The following APP variants were observed in gnomAD, a reference collection of about 807,000 sequenced individuals.
APP encodes amyloid-beta precursor protein.
A neutral mutation model predicts 101.4 loss-of-function variants in APP; 31 were observed. The observed-to-expected ratio is 0.31, with a 90% CI of 0.23 to 0.41. The LOEUF (loss-of-function observed/expected upper bound fraction) is 0.41. Among genes scored for constraint, APP ranks in the 10% least tolerant of loss-of-function variants. APP has a pLI of 1.00. For synonymous variants in APP, 366 were observed against 364.4 expected (o/e 1.00, Z -0.05); for missense variants, 839 against 1,003.7 (o/e 0.84, Z 2.22).
intron 5 of APP, among the ~76,000 whole-genome samples, chr21:26,030,679 GAGAAGCACCTA>G (rs2146819601): frequency 6.6e-6 from 1 of 152,256 alleles, no homozygotes; most frequent in Non-Finnish European, 1.5e-5. Context: ...TAGAATTAAG[GAGAAGCACCTA>G]AGGTCATAAA....
At chr21:26,009,515 T>G (rs2146719293) in intron 6 of APP, 1 of 152,310 alleles carries the variant, frequency 6.6e-6, no homozygotes, top group African/African-American at 2.4e-5. Flanking sequence ...ATCAAAGTTT[T>G]TATTTTTACT....
rs2041286314 is a variant in APP at position 25,955,690 on chromosome 21, G to C, written c.1524C>G (p.Thr508=). The C allele has an allele frequency of 6.2e-7, 1 of 1,613,958 alleles. No homozygotes were observed. Among genetic ancestry groups the C allele is most frequent in the Admixed American group, 1.7e-5 (1 of 59,990 alleles). ...VRAEQKDRQH[T]LKHFEHVRMV... is the part of the protein sequence containing the mutation. ...TGCGCACATGCTCGAAATGCTTTAG[G>C]GTGTGCTGTCTGTCCTTCTGTTCTG... Residue 508 remains threonine, a synonymous_variant, in exon 12 of 18, where the codon ACC becomes ACG. Transcript: ENST00000346798.
intron 11 of APP, among the ~76,000 whole-genome samples, chr21:25,969,539 T>A (rs1453004387): frequency 6.6e-6 from 1 of 151,828 alleles, no homozygotes; most frequent in African/African-American, 2.4e-5. Context: ...CACATTTTAT[T>A]ACAAAGGAAA....
At chr21:26,032,229 T>A (rs1398347778) in intron 5 of APP, among the ~76,000 whole-genome samples, 1 of 152,168 alleles carries the variant, frequency 6.6e-6, no homozygotes, top group East Asian at 1.9e-4. Flanking sequence ...TTTTAAAGTA[T>A]CTGTGGTTGG....
intron 1 of APP, among the ~76,000 whole-genome samples, chr21:26,155,260 C>A (rs867675059): frequency 5.3e-5 from 8 of 151,762 alleles, no homozygotes; most frequent in Non-Finnish European, 1.0e-4. Context: ...AGTGAGACTC[C>A]GTCTCAAAAA....
intron 3 of APP, 196 bp downstream of exon 3, chr21:26,089,747 G>T: frequency 3.1e-6 from 2 of 647,742 alleles, no homozygotes; most frequent in African/African-American, 1.8e-5. Flanking sequence ...TCATTCTGAG[G>T]CAGGGAACTC....
At chr21:26,082,876 C>G (rs910009967) in intron 3 of APP, among the ~76,000 whole-genome samples, 1 of 152,106 alleles carries the variant, frequency 6.6e-6, no homozygotes, top group Non-Finnish European at 1.5e-5. Flanking sequence ...TTTTATTGGT[C>G]AATTTTGTAG....
intron 5 of APP, among the ~76,000 whole-genome samples, chr21:26,037,020 A>G (rs1002016758): frequency 6.6e-6 from 1 of 152,192 alleles, no homozygotes; most frequent in African/African-American, 2.4e-5. Flanking sequence ...ATGCACGTAT[A>G]ATGAAATACT....
At chr21:26,006,214 T>G (rs2043524020) in intron 6 of APP, among the ~76,000 whole-genome samples, 1 of 152,214 alleles carries the variant, frequency 6.6e-6, no homozygotes, top group Non-Finnish European at 1.5e-5. Context: ...GGCAAAGACT[T>G]ACATGGCTAT....
intron 2 of APP, among the ~76,000 whole-genome samples, chr21:26,097,468 T>C (rs944073601): frequency 6.6e-6 from 1 of 151,828 alleles, no homozygotes; most frequent in Non-Finnish European, 1.5e-5. Context: ...TATAAACCTA[T>C]CTCTTAAATA....
intron 1 of APP, among the ~76,000 whole-genome samples, chr21:26,135,908 C>A (rs892255481): frequency 2.6e-5 from 4 of 151,724 alleles, no homozygotes; most frequent in African/African-American, 9.7e-5. Context: ...CCGAGGCAGG[C>A]GGATCACGAG....
intron 13 of APP, among the ~76,000 whole-genome samples, chr21:25,914,432 C>T (rs1249726048): frequency 4.7e-5 from 7 of 149,340 alleles, no homozygotes; most frequent in African/African-American, 1.7e-4. Context: ...ACCCCGTGCC[C>T]CCGAATGGAC....
Position 25,881,893 on chromosome 21 carries a change from A to G in APP, c.2212-122T>C, listed in dbSNP as rs566911867. 8.7e-5 allele frequency: 85 copies of G among 982,248 alleles called. 1 individual carries two copies. The highest frequency in any genetic ancestry group is 8.5e-4 in the South Asian group (62 of 72,940). 60.8% of individuals were successfully genotyped at this position (982,248 alleles called of 1,614,324 possible). On this transcript the variant is annotated intron_variant, in intron 17 of 17. Transcript: ENST00000346798. ...CTTTTGCCAAGATTGCAGAACACCC[A>G]TAATTTTCTCCCCCACTTTGACATC...
intron 5 of APP, among the ~76,000 whole-genome samples, chr21:26,026,803 C>T (rs1030418023): frequency 1.3e-5 from 2 of 152,124 alleles, no homozygotes; most frequent in Non-Finnish European, 2.9e-5. Context: ...TCCAAACTCA[C>T]AGAATAAACA....
At chr21:25,983,841 T>G (rs181049528) in intron 8 of APP, among the ~76,000 whole-genome samples, 2 of 152,144 alleles carry the variant, frequency 1.3e-5, no homozygotes, top group Non-Finnish European at 2.9e-5. Flanking sequence ...CCTTCTTACA[T>G]TGGCAGCAAC....
intron 13 of APP, among the ~76,000 whole-genome samples, chr21:25,937,530 C>A (rs2040409349): frequency 6.6e-6 from 1 of 152,174 alleles, no homozygotes; most frequent in Admixed American, 6.5e-5. Context: ...TTTTCCCTTT[C>A]ATCTCTTATT....
rs563885607 is a variant in APP at position 25,890,711 on chromosome 21, C to T, written c.2211+1011G>A. On this transcript the variant is annotated intron_variant, in intron 17 of 17. Coordinates refer to ENST00000346798, the MANE Select transcript of APP (RefSeq NM_000484.4). ...CCAAGATCCAGCCTGGGCAACAGCGCGAGACTGTCTCAAAAAAAAAAAAAA... is the reference window on the plus strand; with the variant it reads ...CCAAGATCCAGCCTGGGCAACAGCGTGAGACTGTCTCAAAAAAAAAAAAAA... Among the ~76,000 whole-genome samples the T allele has an allele frequency of 2.4e-4, 26 of 106,910 alleles. 1 individual carries two copies. In the South Asian group the frequency reaches 4.0e-3, roughly 16 times the overall value. 70.1% of individuals were successfully genotyped at this position (106,910 alleles called of 152,430 possible). A position where few individuals can be genotyped will look rare whatever the true frequency, so the allele number is the denominator to read the frequency against.
chr21:26,032,939 C>A (rs945991415), intron 5 of APP, among the ~76,000 whole-genome samples: 6 of 152,008 alleles, frequency 3.9e-5, no homozygotes, highest in Non-Finnish European at 8.8e-5. Context: ...CAGTGAAGTG[C>A]ATATTAACAA....
chr21:25,960,472 T>G (rs1435375136), intron 11 of APP, among the ~76,000 whole-genome samples: 1 of 152,170 alleles, frequency 6.6e-6, no homozygotes, highest in Non-Finnish European at 1.5e-5. Context: ...GCAAAACTCT[T>G]GGTGGGCTTT....
Sources: gnomAD v4.1 joint callset for allele counts (sites outside exome capture counted in the v4.1 genomes callset) on GRCh38, gnomAD v4.1.1 for gene constraint, MANE v1.5 for transcripts, NCBI Gene and HGNC (gene_info 2026-07-23, HGNC 2026-07-21) for gene names.